The following RUNDC3B variants were observed in gnomAD, a reference collection of about 807,000 sequenced individuals.
RUNDC3B encodes RUN domain containing 3B.
A neutral mutation model predicts 58.4 loss-of-function variants in RUNDC3B; 33 were observed. The observed-to-expected ratio is 0.56, with a 90% CI of 0.43 to 0.75. The LOEUF is 0.75. Among genes scored for constraint, RUNDC3B ranks in the 30% least tolerant of loss-of-function variants. The probability of loss-of-function intolerance (pLI) is 0.00; values close to 1 mark genes in which losing one functional copy is unlikely to be tolerated. For missense variants in RUNDC3B, 501 were observed against 535.7 expected (o/e 0.94, Z 0.64); for synonymous variants, 193 against 195.2 (o/e 0.99, Z 0.10).
At position 87,631,644 on chromosome 7, in the gene RUNDC3B, C is replaced by T. The variant is rs1821237363; in HGVS notation, c.122+2699C>T. On this transcript the variant is annotated intron_variant, in intron 1 of 10. Transcript: ENST00000394654. ...TGCTGACCTCGTGATCCGCCCGCCT[C>T]GGCCTCCCAAAGTGCTGGGATTACA... is the stretch of plus-strand genomic sequence containing the variant. Among the ~76,000 whole-genome samples, 3 of 152,316 alleles carry T rather than the reference C, an allele frequency of 2.0e-5. No homozygotes were observed. The East Asian group carries it at 5.8e-4, about 29-fold the overall frequency.
At chr7:87,737,415 A>G (rs988135342) in intron 4 of RUNDC3B, among the ~76,000 whole-genome samples, 17 of 152,116 alleles carry the variant, frequency 1.1e-4, no homozygotes, top group Admixed American at 1.1e-3. Flanking sequence ...GAAAGTATTG[A>G]CCACAGGAAT....
chr7:87,729,233 A>T (rs1312919678), intron 4 of RUNDC3B, among the ~76,000 whole-genome samples: 5 of 152,134 alleles, frequency 3.3e-5, no homozygotes, highest in Non-Finnish European at 5.9e-5. Flanking sequence ...AAATTGAAGA[A>T]CTATCCGAAC....
chr7:87,797,990 C>T (rs1258050216), intron 8 of RUNDC3B, among the ~76,000 whole-genome samples: 1 of 152,180 alleles, frequency 6.6e-6, no homozygotes, highest in Non-Finnish European at 1.5e-5. Flanking sequence ...ATACTACAAG[C>T]CACCAACAGA....
intron 2 of RUNDC3B, among the ~76,000 whole-genome samples, chr7:87,670,264 T>G (rs1466212382): frequency 6.6e-6 from 1 of 152,248 alleles, no homozygotes; most frequent in Non-Finnish European, 1.5e-5. Context: ...TTTCTTCTGC[T>G]GTCAATACTT....
intron 2 of RUNDC3B, among the ~76,000 whole-genome samples, chr7:87,671,896 C>G (rs542641930): frequency 6.6e-6 from 1 of 152,274 alleles, no homozygotes; most frequent in East Asian, 1.9e-4. Context: ...ATTCAGCTCT[C>G]TGTTGGCTGG....
At chr7:87,703,720 T>C (rs1398411958) in intron 3 of RUNDC3B, among the ~76,000 whole-genome samples, 1 of 151,906 alleles carries the variant, frequency 6.6e-6, no homozygotes, top group Non-Finnish European at 1.5e-5. Context: ...TTATTACATA[T>C]TAACAGATGT....
chr7:87,777,730 A>C, intron 7 of RUNDC3B, 68 bp from the exon 8 acceptor site: 1 of 1,261,774 alleles, frequency 7.9e-7, no homozygotes, highest in Non-Finnish European at 1.1e-6. Flanking sequence ...TAAGCTACTC[A>C]GCATTTATCT....
At chr7:87,720,624 C>CAT (rs1259981578) in intron 4 of RUNDC3B, among the ~76,000 whole-genome samples, 1 of 146,256 alleles carries the variant, frequency 6.8e-6, no homozygotes, top group Non-Finnish European at 1.5e-5. Flanking sequence ...TTTTTTTAGA[C>CAT]AGAGTCTCAC....
intron 6 of RUNDC3B, among the ~76,000 whole-genome samples, chr7:87,747,691 G>C (rs1265368792): frequency 2.0e-5 from 3 of 152,124 alleles, no homozygotes; most frequent in Non-Finnish European, 4.4e-5. Flanking sequence ...GAGATTCCCA[G>C]GTCACTGGAG....
chr7:87,725,726 A>C (rs1015935550), intron 4 of RUNDC3B, among the ~76,000 whole-genome samples: 5 of 152,080 alleles, frequency 3.3e-5, no homozygotes. Context: ...AAGTGTTCCT[A>C]TTTCTCCACA....
intron 2 of RUNDC3B, among the ~76,000 whole-genome samples, chr7:87,660,473 TA>T (rs1165179125): frequency 1.3e-5 from 2 of 152,112 alleles, no homozygotes; most frequent in Non-Finnish European, 2.9e-5. Flanking sequence ...TAAAGCTCTC[TA>T]AAGAGATATA....
chr7:87,783,659 A>G (rs536523272), intron 8 of RUNDC3B, among the ~76,000 whole-genome samples: 1 of 152,296 alleles, frequency 6.6e-6, no homozygotes, highest in Admixed American at 6.5e-5. Context: ...TTCTGTGTCT[A>G]CAACTCCCTC....
At chr7:87,752,013 G>C (rs1429559742) in intron 6 of RUNDC3B, among the ~76,000 whole-genome samples, 11 of 152,160 alleles carry the variant, frequency 7.2e-5, no homozygotes, top group Admixed American at 6.6e-4. Flanking sequence ...CTGTGGGTTT[G>C]TCGTAGATAG....
intron 1 of RUNDC3B, among the ~76,000 whole-genome samples, chr7:87,648,676 C>G (rs1823269542): frequency 6.6e-6 from 1 of 152,040 alleles, no homozygotes; most frequent in African/African-American, 2.4e-5. Flanking sequence ...TTAAAGTGTA[C>G]TAAATAAATG....
At chr7:87,739,594 TTTG>T (rs897453751) in intron 4 of RUNDC3B, among the ~76,000 whole-genome samples, 194 bp from the exon 5 acceptor site, 29 of 152,116 alleles carry the variant, frequency 1.9e-4, no homozygotes, top group Admixed American at 5.2e-4. Context: ...TCTTCAGGGA[TTTG>T]TTGTTGTTGT....
intron 4 of RUNDC3B, among the ~76,000 whole-genome samples, chr7:87,715,530 T>C (rs1830510880): frequency 7.2e-6 from 1 of 138,970 alleles, no homozygotes; most frequent in Non-Finnish European, 1.5e-5. Context: ...ATATATAACA[T>C]TTAATATATA....
At chr7:87,679,898 C>T (rs907346648) in intron 2 of RUNDC3B, among the ~76,000 whole-genome samples, 1 of 150,564 alleles carries the variant, frequency 6.6e-6, no homozygotes, top group Non-Finnish European at 1.5e-5. Flanking sequence ...TGAAAAATCA[C>T]CAAATGTTTG....
chr7:87,778,087 A>T, intron 8 of RUNDC3B, 132 bp downstream of exon 8: 1 of 715,268 alleles, frequency 1.4e-6, no homozygotes. Context: ...CACTTTTTTG[A>T]AAGTTTACTT....
intron 2 of RUNDC3B, among the ~76,000 whole-genome samples, chr7:87,670,028 G>A (rs180780661): frequency 1.1e-4 from 16 of 152,228 alleles, no homozygotes; most frequent in African/African-American, 2.4e-4. Context: ...GTACCTCGTT[G>A]GGGAAGTTTT....
Sources: allele counts gnomAD v4.1 joint callset (sites outside exome capture counted in the v4.1 genomes callset), GRCh38; gene constraint gnomAD v4.1.1; transcripts MANE v1.5; gene names NCBI Gene and HGNC (gene_info 2026-07-23, HGNC 2026-07-21).